KIF13A: variants seen among roughly 807,000 people sequenced by gnomAD.
KIF13A encodes kinesin family member 13A.
KIF13A carries 79 observed loss-of-function variants against 212.2 expected under a neutral mutation model. The observed-to-expected ratio is 0.37, with a 90% CI of 0.31 to 0.45. KIF13A has a LOEUF of 0.45. Among genes scored for constraint, KIF13A ranks in the 20% least tolerant of loss-of-function variants. The pLI, the probability that KIF13A is intolerant of heterozygous loss-of-function variation, is 1.00. For missense variants in KIF13A, 1,901 were observed against 2,209.0 expected (o/e 0.86, Z 2.79); for synonymous variants, 789 against 808.6 (o/e 0.98, Z 0.41).
Position 17,808,930 on chromosome 6 carries a change from C to A in KIF13A, c.2001G>T (p.Arg667Ser). The A allele has an allele frequency of 6.3e-7, 1 of 1,594,158 alleles. No homozygotes were observed. The highest frequency in any genetic ancestry group is 2.3e-5 in the East Asian group (1 of 44,304). ...CCAGGCTTTGTCGGAAGAGTTCATCCCTGCAGTGTCATAGAAAAGGGAACG... is the reference window on the plus strand; with the variant it reads ...CCAGGCTTTGTCGGAAGAGTTCATCACTGCAGTGTCATAGAAAAGGGAACG... Reference protein sequence around the residue: ...QQKVTQWAEERDELFRQSLAK... With the variant: ...QQKVTQWAEESDELFRQSLAK... The change falls in exon 18 of 39, where the codon AGG (arginine) becomes AGT (serine). Residue 667 changes from arginine to serine, a missense_variant and splice_region_variant. Around this residue, in one of 5 missense-constraint regions of KIF13A, gnomAD observed 534 missense variants for 536.9 expected, o/e 0.99. Coordinates refer to ENST00000259711, the MANE Select transcript of KIF13A (RefSeq NM_022113.6).
intron 20 of KIF13A, among the ~76,000 whole-genome samples, chr6:17,804,015 G>A (rs1437984264): frequency 6.6e-6 from 1 of 152,128 alleles, no homozygotes; most frequent in Non-Finnish European, 1.5e-5. Flanking sequence ...AGCCCGATAT[G>A]GTGGTGGGCG....
At position 17,886,790 on chromosome 6, in the gene KIF13A, G is replaced by A. The variant is rs1045564405; in HGVS notation, c.159+11378C>T. ...GCACTCCAGCCTGGGCAACAAGGGC[G>A]AAACTCCATCTCAAAACAACAACAA... is the stretch of plus-strand genomic sequence containing the variant. On this transcript the variant is annotated intron_variant, in intron 3 of 38. Coordinates refer to ENST00000259711, the MANE Select transcript of KIF13A (RefSeq NM_022113.6). The surrounding 1 kb of genome is among the most constrained non-coding windows in gnomAD (Gnocchi z 5.6). Among the ~76,000 whole-genome samples, 2 of 151,646 alleles carry A rather than the reference G, an allele frequency of 1.3e-5. No individual in the cohort carries two copies. Among genetic ancestry groups the A allele is most frequent in the African/African-American group, 2.4e-5 (1 of 41,222 alleles).
At chr6:17,775,930 G>A (rs1272344355) in intron 34 of KIF13A, among the ~76,000 whole-genome samples, 1 of 151,970 alleles carries the variant, frequency 6.6e-6, no homozygotes, top group Non-Finnish European at 1.5e-5. Flanking sequence ...TGCCCAGGCT[G>A]GAGTGCAATG....
At chr6:17,979,278 A>G (rs1780851153) in intron 2 of KIF13A, among the ~76,000 whole-genome samples, 1 of 152,162 alleles carries the variant, frequency 6.6e-6, no homozygotes, top group Non-Finnish European at 1.5e-5. Flanking sequence ...AGGCGACAGA[A>G]CGAGACTCCA....
chr6:17,824,733 C>T (rs928239157), intron 16 of KIF13A, among the ~76,000 whole-genome samples: 71 of 137,780 alleles, frequency 5.2e-4, no homozygotes, highest in African/African-American at 1.9e-3. Context: ...TGCACTCCAG[C>T]CTGGGCGACA....
intron 2 of KIF13A, among the ~76,000 whole-genome samples, chr6:17,948,601 C>T (rs1309579831): frequency 8.8e-6 from 1 of 114,284 alleles, no homozygotes; most frequent in African/African-American, 3.5e-5. Context: ...CTCACTCTGT[C>T]GTCCAGGCTG....
intron 11 of KIF13A, among the ~76,000 whole-genome samples, chr6:17,835,044 T>C (rs1477795631): frequency 6.6e-6 from 1 of 151,172 alleles, no homozygotes; most frequent in Non-Finnish European, 1.5e-5. Flanking sequence ...TCACTGGGTA[T>C]AATGGCGCAT....
chr6:17,814,536 C>T (rs539679690), intron 17 of KIF13A, among the ~76,000 whole-genome samples: 71 of 150,870 alleles, frequency 4.7e-4, no homozygotes, highest in African/African-American at 1.5e-3. Context: ...CGTGAGCCAC[C>T]GCGCCCAGCC....
At chr6:17,875,585 G>A (rs1770475594) in intron 3 of KIF13A, among the ~76,000 whole-genome samples, 1 of 151,730 alleles carries the variant, frequency 6.6e-6, no homozygotes, top group Non-Finnish European at 1.5e-5. Flanking sequence ...CTCCCAAGTA[G>A]CTGGGACTAC....
chr6:17,838,846 G>A lies in KIF13A; in HGVS notation c.831-1263C>T, dbSNP rs1392398616. On this transcript the variant is annotated intron_variant, in intron 9 of 38. Coordinates refer to ENST00000259711, the MANE Select transcript of KIF13A (RefSeq NM_022113.6). The surrounding 1 kb of genome is among the most constrained non-coding windows in gnomAD (Gnocchi z 4.2). Reference sequence around the variant, plus strand: ...TGTTTGTTTTTTGAGATGGAATCTCGCTCTGTCACCCAGGCTGGAGTTCAG... The same window carrying A: ...TGTTTGTTTTTTGAGATGGAATCTCACTCTGTCACCCAGGCTGGAGTTCAG... 6.6e-6 allele frequency among the ~76,000 whole-genome samples: 1 copy of A among 152,046 alleles called. No individual in the cohort carries two copies. Among genetic ancestry groups the A allele is most frequent in the Non-Finnish European group, 1.5e-5 (1 of 68,010 alleles).
intron 3 of KIF13A, among the ~76,000 whole-genome samples, chr6:17,873,877 C>A (rs929828927): frequency 1.3e-5 from 2 of 152,156 alleles, no homozygotes; most frequent in Non-Finnish European, 2.9e-5. Flanking sequence ...TAGGTGTGAG[C>A]CATCGCGCCT....
chr6:17,917,503 A>G lies in KIF13A; in HGVS notation c.147-19323T>C, dbSNP rs1223050939. Among the ~76,000 whole-genome samples the G allele has an allele frequency of 3.3e-5, 5 of 151,948 alleles. 1 individual carries two copies. In the South Asian group the frequency reaches 1.0e-3, roughly 32 times the overall value. ...TTATCCACCTGACTCAGCCTCCCCA[A>G]GTGTTGGGATCACAGGCGTGAGCCA... On this transcript the variant is annotated intron_variant, in intron 2 of 38. Transcript: ENST00000259711.
Position 17,987,017 on chromosome 6 carries a change from T to C in KIF13A, c.146+37A>G, listed in dbSNP as rs1581965709. On this transcript the variant is annotated intron_variant, in intron 2 of 38. Transcript: ENST00000259711. The surrounding 1 kb of genome is among the most constrained non-coding windows in gnomAD (Gnocchi z 7.7). ...TCAAACTTGCGGGACCCCGCGAGGCTGGATCCTCCCAGCCGCCCTCTCGGA... is the reference window on the plus strand; with the variant it reads ...TCAAACTTGCGGGACCCCGCGAGGCCGGATCCTCCCAGCCGCCCTCTCGGA... The C allele has an allele frequency of 6.6e-7, 1 of 1,516,328 alleles. No homozygotes were observed. The allele number at this position is 1,516,328 out of a possible 1,614,324, so 93.9% of individuals were successfully genotyped here. A position where few individuals can be genotyped will look rare whatever the true frequency, so the allele number is the denominator to read the frequency against.
intron 32 of KIF13A, 119 bp downstream of exon 32, chr6:17,779,473 T>C: frequency 8.5e-6 from 4 of 468,744 alleles, no homozygotes; most frequent in Non-Finnish European, 1.2e-5. Context: ...GGTTTCTCCA[T>C]GTTGGTCAGG....
At chr6:17,970,827 G>A (rs886343190) in intron 2 of KIF13A, among the ~76,000 whole-genome samples, 4 of 152,162 alleles carry the variant, frequency 2.6e-5, no homozygotes, top group African/African-American at 9.7e-5. Context: ...TCTCCAAAGA[G>A]CACACTCTTG....
chr6:17,903,929 G>C (rs572380579), intron 2 of KIF13A, among the ~76,000 whole-genome samples: 2 of 151,648 alleles, frequency 1.3e-5, no homozygotes, highest in African/African-American at 4.8e-5. Context: ...GAGGTGGGAG[G>C]ATCACTTGAG....
At chr6:17,844,981 T>C (rs1309550018) in intron 9 of KIF13A, among the ~76,000 whole-genome samples, 2 of 152,326 alleles carry the variant, frequency 1.3e-5, no homozygotes, top group East Asian at 1.9e-4. Flanking sequence ...TCCATTTTCA[T>C]GCTGCTGATA....
chr6:17,929,689 C>G (rs183290528), intron 2 of KIF13A, among the ~76,000 whole-genome samples: 2 of 152,110 alleles, frequency 1.3e-5, no homozygotes, highest in Non-Finnish European at 2.9e-5. Flanking sequence ...CGTGAGCCAC[C>G]GCGCCCGGCC....
chr6:17,765,120 C>T (rs1360747267), intron 38 of KIF13A, among the ~76,000 whole-genome samples, 174 bp from the exon 39 acceptor site: 3 of 152,192 alleles, frequency 2.0e-5, no homozygotes, highest in African/African-American at 7.2e-5. Context: ...ATAGGTGTAT[C>T]AGTATTCTCA....
Sources: allele counts gnomAD v4.1 joint callset (sites outside exome capture counted in the v4.1 genomes callset), GRCh38; gene constraint gnomAD v4.1.1; regional missense constraint gnomAD v4.1.1; non-coding constraint Gnocchi (gnomAD v3.1); transcripts MANE v1.5; gene names NCBI Gene and HGNC (gene_info 2026-07-23, HGNC 2026-07-21).